MARCHF1: variants seen among roughly 807,000 people sequenced by gnomAD.
MARCHF1 encodes the protein E3 ubiquitin-protein ligase MARCHF1.
In MARCHF1, 40 loss-of-function variants were observed where a neutral mutation model predicts 54.2. The observed-to-expected ratio is 0.74, with a 90% confidence interval of 0.57 to 0.96. The LOEUF (loss-of-function observed/expected upper bound fraction) is 0.96, where lower values mean the gene tolerates loss of function less well. MARCHF1 is among the 40% of genes least tolerant of loss of function. The pLI is 0.00. For missense variants in MARCHF1, 586 were observed against 656.5 expected, an observed-to-expected ratio of 0.89 and a Z score of 1.17; for synonymous variants, 236 against 236.3, an observed-to-expected ratio of 1.00 and a Z score of 0.01.
Position 163,554,265 on chromosome 4 carries a change from G to A in MARCHF1, c.1192-8522C>T, listed in dbSNP as rs563388458. Reference sequence around the variant, plus strand: ...TTGTCACGTTAGTTTACAATGTGAGGAATACGCCACTAAGAATTGTGACTC... The same window carrying A: ...TTGTCACGTTAGTTTACAATGTGAGAAATACGCCACTAAGAATTGTGACTC... On this transcript the variant is annotated intron_variant, in intron 8 of 9. Transcript: ENST00000514618. 7.0e-4 allele frequency among the ~76,000 whole-genome samples: 107 copies of A among 152,316 alleles called. 1 individual carries two copies. The highest frequency in any genetic ancestry group is 2.4e-3 in the African/African-American group (101 of 41,562).
At position 163,854,065 on chromosome 4, in the gene MARCHF1, CG is replaced by C. The variant is rs1560789062; in HGVS notation, c.66del (p.Glu23ArgfsTer15). 1 of 1,536,880 alleles carries C rather than the reference CG, an allele frequency of 6.5e-7. No homozygotes were observed. The highest frequency in any genetic ancestry group is 8.7e-7 in the Non-Finnish European group (1 of 1,146,666). ...GCGTCAGCCAAATCCCCTGAGATCT[CG>C]GGTGTTCGCGTGTTGTTTGGAATTC... ...PHRIPNNTRT[P>X]EISGDLADAS... On this transcript the variant is annotated frameshift_variant, in exon 4 of 10. Transcript: ENST00000514618. LOFTEE classifies it high-confidence loss of function.
chr4:163,649,601 T>C (rs1331529602), intron 5 of MARCHF1, among the ~76,000 whole-genome samples: 1 of 151,974 alleles, frequency 6.6e-6, no homozygotes, highest in Non-Finnish European at 1.5e-5. Flanking sequence ...AAGTACTTCA[T>C]CACTTCTTAG....
chr4:164,008,086 A>T (rs1275695771), intron 2 of MARCHF1, among the ~76,000 whole-genome samples: 1 of 152,182 alleles, frequency 6.6e-6, no homozygotes, highest in East Asian at 1.9e-4. Context: ...TTCATTCAGG[A>T]AACACACTTT....
chr4:163,924,391 G>A (rs137857064), intron 3 of MARCHF1, among the ~76,000 whole-genome samples: 4 of 152,156 alleles, frequency 2.6e-5, no homozygotes, highest in African/African-American at 7.2e-5. Flanking sequence ...CATGTAAAAT[G>A]TGGACAAAAC....
intron 4 of MARCHF1, among the ~76,000 whole-genome samples, chr4:163,850,933 T>G (rs1037574855): frequency 2.6e-5 from 4 of 152,286 alleles, no homozygotes; most frequent in South Asian, 4.1e-4. Context: ...GGCTGGCTTC[T>G]TCTAAAGCCC....
intron 3 of MARCHF1, among the ~76,000 whole-genome samples, chr4:163,910,358 C>T (rs897732080): frequency 6.6e-6 from 1 of 152,132 alleles, no homozygotes; most frequent in African/African-American, 2.4e-5. Context: ...ATTATGCCAA[C>T]AAATAAACTA....
At chr4:164,015,657 GA>G (rs2110953910) in intron 2 of MARCHF1, among the ~76,000 whole-genome samples, 1 of 151,702 alleles carries the variant, frequency 6.6e-6, no homozygotes, top group Admixed American at 6.6e-5. Context: ...CAAAAGATCT[GA>G]AAAGATATTT....
intron 4 of MARCHF1, among the ~76,000 whole-genome samples, chr4:163,730,497 A>T (rs1234819580): frequency 6.6e-6 from 1 of 152,114 alleles, no homozygotes; most frequent in African/African-American, 2.4e-5. Context: ...ATGTGAATGT[A>T]ATTGTGTGGT....
intron 2 of MARCHF1, among the ~76,000 whole-genome samples, chr4:164,000,605 T>C: frequency 6.6e-6 from 1 of 151,680 alleles, no homozygotes; most frequent in East Asian, 1.9e-4. Flanking sequence ...AATTACTAAG[T>C]TAGATAGAAT....
chr4:163,950,982 A>C (rs907096269), intron 3 of MARCHF1, among the ~76,000 whole-genome samples: 2 of 152,220 alleles, frequency 1.3e-5, no homozygotes, highest in African/African-American at 4.8e-5. Flanking sequence ...AAAAGCATGA[A>C]ATGTCATAGT....
chr4:163,680,903 C>T (rs1183874643), intron 5 of MARCHF1, among the ~76,000 whole-genome samples: 1 of 151,758 alleles, frequency 6.6e-6, no homozygotes, highest in East Asian at 1.9e-4. Flanking sequence ...TATGGCTCAT[C>T]ATTGTATTTC....
intron 1 of MARCHF1, among the ~76,000 whole-genome samples, chr4:164,154,186 TA>T (rs755239802): frequency 2.6e-5 from 4 of 152,070 alleles, no homozygotes; most frequent in Admixed American, 6.6e-5. Context: ...TATTTAAATG[TA>T]AAAAATATCT....
At chr4:163,597,650 CAA>C (rs1740819993) in intron 7 of MARCHF1, among the ~76,000 whole-genome samples, 1 of 151,888 alleles carries the variant, frequency 6.6e-6, no homozygotes, top group Admixed American at 6.6e-5. Context: ...TATTAAAATA[CAA>C]AGATTATATT....
At chr4:163,773,331 G>T (rs1747212916) in intron 4 of MARCHF1, among the ~76,000 whole-genome samples, 3 of 152,226 alleles carry the variant, frequency 2.0e-5, no homozygotes, top group African/African-American at 7.2e-5. Flanking sequence ...ACCTGGAAGA[G>T]AAATGTGCTA....
rs977649275 is a variant in MARCHF1, at chr4:163,840,288, C to T, written c.111+13733G>A. ...GGAGGTCCCCAGGAAGGGAATGGGG[C>T]GTGTTCAATCTACCACTCTGAAAGG... On this transcript the variant is annotated intron_variant, in intron 4 of 9. Transcript: ENST00000514618. 5.0e-4 allele frequency among the ~76,000 whole-genome samples: 76 copies of T among 152,084 alleles called. 1 individual carries two copies. The highest frequency in any genetic ancestry group is 1.6e-3 in the African/African-American group (68 of 41,500).
chr4:163,546,769 A>G (rs1738922950), intron 8 of MARCHF1, among the ~76,000 whole-genome samples: 2 of 152,206 alleles, frequency 1.3e-5, no homozygotes, highest in African/African-American at 4.8e-5. Context: ...CTGCTCCCTC[A>G]GTCTGGGAGA....
At chr4:163,644,548 C>A (rs749287774) in intron 5 of MARCHF1, among the ~76,000 whole-genome samples, 1 of 152,162 alleles carries the variant, frequency 6.6e-6, no homozygotes, top group Non-Finnish European at 1.5e-5. Context: ...CTTGGTCCCA[C>A]AGCAGATCCT....
At chr4:163,790,306 C>T (rs770486736) in intron 4 of MARCHF1, among the ~76,000 whole-genome samples, 7 of 152,058 alleles carry the variant, frequency 4.6e-5, no homozygotes, top group Non-Finnish European at 7.4e-5. Context: ...ATCAAATGTC[C>T]TTAGCCCAGA....
chr4:164,178,840 C>G (rs1730756916), intron 1 of MARCHF1, among the ~76,000 whole-genome samples: 1 of 152,018 alleles, frequency 6.6e-6, no homozygotes, highest in Admixed American at 6.6e-5. Flanking sequence ...AGAAGATAAT[C>G]ATACAAAGGC....
Sources: allele counts gnomAD v4.1 joint callset (sites outside exome capture counted in the v4.1 genomes callset), GRCh38; gene constraint gnomAD v4.1.1; transcripts MANE v1.5; gene names NCBI Gene and HGNC (gene_info 2026-07-23, HGNC 2026-07-21).